Variants in GTF2IRD1 observed in about 807,000 individuals in gnomAD.
GTF2IRD1 encodes GTF2I repeat domain containing 1.
GTF2IRD1 carries 26 observed loss-of-function variants against 113.2 expected under a neutral mutation model. The observed-to-expected ratio is 0.23, with a 90% CI of 0.17 to 0.32. GTF2IRD1 has a LOEUF of 0.32. Ranked by LOEUF, GTF2IRD1 falls within the 10% of genes least tolerant of loss-of-function variation. The pLI, the probability that GTF2IRD1 is intolerant of heterozygous loss-of-function variation, is 1.00. For synonymous variants in GTF2IRD1, 484 were observed against 529.1 expected (o/e 0.91, Z 1.17); for missense variants, 864 against 1,280.8 (o/e 0.67, Z 4.97).
Position 74,559,042 on chromosome 7 carries a change from C to T in GTF2IRD1, c.2289C>T (p.Thr763=). ...AVADKIKFTV[T]RPFQGLIPKP... ...CTGACAAGATCAAGTTCACAGTCAC[C>T]AGGTACTCAGTGGGAAGGGTGAGGG... is the stretch of plus-strand genomic sequence containing the variant. Residue 763 remains threonine (T), a splice_region_variant and synonymous_variant, in exon 21 of 27, where the codon ACC becomes ACT. Coordinates refer to ENST00000424337, the MANE Select transcript of GTF2IRD1 (RefSeq NM_005685.4). The T allele has an allele frequency of 1.2e-6, 2 of 1,613,038 alleles. No individual in the cohort carries two copies. The highest frequency in any genetic ancestry group is 1.7e-6 in the Non-Finnish European group (2 of 1,179,424).
At chr7:74,541,911 A>AATAGATAGATAGATAGATAGATAG (rs58094935) in intron 14 of GTF2IRD1, among the ~76,000 whole-genome samples, 79 of 150,150 alleles carry the variant, frequency 5.3e-4, no homozygotes, top group Non-Finnish European at 8.9e-4. Flanking sequence ...AAAATAACTA[A>AATAGATAGATAGATAGATAGATAG]ATAGATAGAT....
rs1412443584 is a variant in GTF2IRD1, at chr7:74,454,172, C to G, written c.-11C>G. On this transcript the variant is annotated 5_prime_UTR_variant, in exon 1 of 27. Coordinates refer to ENST00000424337, the MANE Select transcript of GTF2IRD1 (RefSeq NM_005685.4). ...GCTGGCAGGAGCGCTTGGGGATCCT[C>G]CAAGGTAGGAGAAACTTTTGCGGGG... The G allele has an allele frequency of 1.3e-5, 2 of 152,046 alleles. No homozygotes were observed. Among genetic ancestry groups the G allele is most frequent in the Non-Finnish European group, 2.9e-5 (2 of 68,056 alleles). 9.4% of individuals were successfully genotyped at this position (152,046 alleles called of 1,614,324 possible).
At chr7:74,590,108 G>T (rs1801966777) in intron 23 of GTF2IRD1, among the ~76,000 whole-genome samples, 180 bp downstream of exon 23, 2 of 151,816 alleles carry the variant, frequency 1.3e-5, no homozygotes, top group Admixed American at 6.6e-5. Context: ...TTTAAACAGG[G>T]TCTCACTCTG....
intron 17 of GTF2IRD1, among the ~76,000 whole-genome samples, chr7:74,553,026 C>T (rs186732306): frequency 3.3e-3 from 504 of 152,018 alleles, no homozygotes; most frequent in Non-Finnish European, 5.8e-3. Flanking sequence ...TTAGTAGAGA[C>T]GGTGTTTCAC....
chr7:74,502,395 C>A (rs753237926), intron 1 of GTF2IRD1, among the ~76,000 whole-genome samples: 1 of 152,236 alleles, frequency 6.6e-6, no homozygotes, highest in Admixed American at 6.5e-5. Flanking sequence ...CACCTGTTTC[C>A]AGACATCCAG....
intron 1 of GTF2IRD1, among the ~76,000 whole-genome samples, chr7:74,461,186 A>G (rs1793342145): frequency 6.6e-6 from 1 of 152,148 alleles, no homozygotes; most frequent in African/African-American, 2.4e-5. Context: ...TGGTGGAGAC[A>G]GGGTGGGAGG....
intron 13 of GTF2IRD1, 28 bp from the exon 14 acceptor site, chr7:74,539,850 AC>A: frequency 1.3e-6 from 2 of 1,516,902 alleles, no homozygotes; most frequent in Non-Finnish European, 1.8e-6. Flanking sequence ...GGCAGAAGAT[AC>A]CCGTGTCATT....
intron 22 of GTF2IRD1, among the ~76,000 whole-genome samples, chr7:74,575,005 G>A (rs1373244669): frequency 7.2e-5 from 11 of 152,000 alleles, no homozygotes; most frequent in South Asian, 4.1e-4. Context: ...CAGGAGAATC[G>A]CTTGAACCCG....
chr7:74,582,080 A>G (rs587648729), intron 22 of GTF2IRD1, among the ~76,000 whole-genome samples: 3 of 151,888 alleles, frequency 2.0e-5, no homozygotes, highest in Non-Finnish European at 2.9e-5. Context: ...ATTCTCCCTC[A>G]GGGCTAACCA....
chr7:74,578,718 G>C (rs1385657427), intron 22 of GTF2IRD1, among the ~76,000 whole-genome samples: 1 of 152,242 alleles, frequency 6.6e-6, no homozygotes, highest in South Asian at 2.1e-4. Flanking sequence ...ACTTATAGCC[G>C]GGCACGATGG....
At chr7:74,478,523 A>G (rs1441010093) in intron 1 of GTF2IRD1, among the ~76,000 whole-genome samples, 1 of 152,134 alleles carries the variant, frequency 6.6e-6, no homozygotes, top group African/African-American at 2.4e-5. Context: ...TGGTGCGATC[A>G]TAGCTCACTG....
chr7:74,454,276 G>A, intron 1 of GTF2IRD1, 100 bp downstream of exon 1: 1 of 115,022 alleles, frequency 8.7e-6, no homozygotes, highest in East Asian at 2.9e-4. Flanking sequence ...GGGGGTCCCC[G>A]CCCCTCCCCC....
chr7:74,592,531 C>A (rs1232609073), intron 24 of GTF2IRD1, among the ~76,000 whole-genome samples: 3 of 150,390 alleles, frequency 2.0e-5, no homozygotes, highest in African/African-American at 7.3e-5. Context: ...TGGTGTATTT[C>A]TTTCTTTCTT....
chr7:74,519,857 C>T (rs1797163826), intron 6 of GTF2IRD1, 138 bp downstream of exon 6: 4 of 617,038 alleles, frequency 6.5e-6, no homozygotes, highest in Non-Finnish European at 1.1e-5. Context: ...GGGAGTGGGA[C>T]TGGACAGATG....
chr7:74,478,210 G>A (rs1794535494), intron 1 of GTF2IRD1, among the ~76,000 whole-genome samples: 1 of 152,204 alleles, frequency 6.6e-6, no homozygotes, highest in African/African-American at 2.4e-5. Flanking sequence ...CTTGCGTGGA[G>A]GGACAGAGAT....
At chr7:74,521,336 A>G (rs1797284709) in intron 7 of GTF2IRD1, 39 bp downstream of exon 7, 1 of 1,223,096 alleles carries the variant, frequency 8.2e-7, no homozygotes, top group Admixed American at 1.7e-5. Flanking sequence ...CCTGAGTGGG[A>G]ATCTGAGGTT....
chr7:74,537,425 C>A (rs1213881207), intron 11 of GTF2IRD1, among the ~76,000 whole-genome samples: 17 of 150,678 alleles, frequency 1.1e-4, no homozygotes, highest in African/African-American at 3.2e-4. Flanking sequence ...AAAAAAAAAA[C>A]AAAAAAAACA....
intron 22 of GTF2IRD1, among the ~76,000 whole-genome samples, chr7:74,578,449 T>TAC (rs1801211335): frequency 6.6e-6 from 1 of 152,218 alleles, no homozygotes; most frequent in Admixed American, 6.6e-5. Context: ...ATGCTGGGAT[T>TAC]ACAGGCATGA....
Position 74,512,857 on chromosome 7 carries a change from G to C in GTF2IRD1, c.151G>C (p.Glu51Gln). 6.2e-7 allele frequency: 1 copy of C among 1,614,106 alleles called. No individual in the cohort carries two copies. Among genetic ancestry groups the C allele is most frequent in the Non-Finnish European group, 8.5e-7 (1 of 1,179,998 alleles). Reference protein sequence around the residue: ...MCSALSKLNAEVACVAVHDES... With the variant: ...MCSALSKLNAQVACVAVHDES... ...CTCAGCGCTGTCCAAACTGAACGCC[G>C]AGGTGGCCTGTGTCGCCGTGCACGA... Residue 51 changes from glutamate to glutamine, a missense_variant, in exon 3 of 27, where the codon GAG becomes CAG. Transcript: ENST00000424337. This position sits in a 1 kb window ranked among gnomAD's most constrained non-coding sequence, Gnocchi z 4.4.
Sources: gnomAD v4.1 joint callset for allele counts (sites outside exome capture counted in the v4.1 genomes callset) on GRCh38, gnomAD v4.1.1 for gene constraint, Gnocchi (gnomAD v3.1) non-coding constraint, MANE v1.5 for transcripts, NCBI Gene and HGNC (gene_info 2026-07-23, HGNC 2026-07-21) for gene names.